The following TSPAN19 variants were observed in gnomAD, a reference collection of about 807,000 sequenced individuals.
The protein encoded by TSPAN19 is tetraspanin 19.
In TSPAN19, 44 loss-of-function variants were observed where a neutral mutation model predicts 35.1. The ratio of observed to expected loss-of-function variants is 1.25; its 90% CI spans 0.98 to 1.61. The LOEUF is 1.61. TSPAN19 is among the 40% of genes most tolerant of loss of function. The pLI is 0.00. For missense variants in TSPAN19, 290 were observed against 280.0 expected (o/e 1.04, Z -0.26); for synonymous variants, 79 against 92.0 (o/e 0.86, Z 0.81).
rs930146421 is a variant in TSPAN19, at chr12:85,027,942, C to T, written c.221G>A (p.Gly74Asp). The change falls in exon 4 of 9, where the codon GGT becomes GAT. Residue 74 changes from glycine to aspartate, a missense_variant. Physicochemically the swap from Gly to Asp is moderately conservative, Grantham distance 94. Coordinates refer to ENST00000532498, the MANE Select transcript of TSPAN19 (RefSeq NM_001100917.2). Reference sequence around the variant, plus strand: ...GATTTCGTTGTGAATTCCTATATAACCCAATAGACAAAAAAGAACAGTAGA... The same window carrying T: ...GATTTCGTTGTGAATTCCTATATAATCCAATAGACAAAAAAGAACAGTAGA... ...GSSTVLFCLL[G>D]YIGIHNEIRW... is the part of the protein sequence containing the mutation. 3 of 1,596,816 alleles carry T rather than the reference C, an allele frequency of 1.9e-6. No homozygotes were observed. The highest frequency in any genetic ancestry group is 1.7e-6 in the Non-Finnish European group (2 of 1,170,878).
chr12:85,032,496 C>T (rs1054024211), intron 1 of TSPAN19, among the ~76,000 whole-genome samples: 2 of 151,988 alleles, frequency 1.3e-5, no homozygotes, highest in Admixed American at 1.3e-4. Flanking sequence ...TTAGTAAGCG[C>T]AAATGTAGGC....
At chr12:85,032,118 T>C (rs1877713926) in intron 1 of TSPAN19, among the ~76,000 whole-genome samples, 1 of 152,150 alleles carries the variant, frequency 6.6e-6, no homozygotes, top group African/African-American at 2.4e-5. Flanking sequence ...AATTCATAAA[T>C]TCAATATTTC....
At chr12:85,014,580 G>A in intron 8 of TSPAN19, 25 bp from the exon 9 acceptor site, 2 of 1,528,122 alleles carry the variant, frequency 1.3e-6, no homozygotes, top group Non-Finnish European at 8.9e-7. Context: ...AACAATAAGA[G>A]ATTAAAATTT....
chr12:85,028,678 G>A (rs1304865019), intron 3 of TSPAN19, among the ~76,000 whole-genome samples: 1 of 152,154 alleles, frequency 6.6e-6, no homozygotes, highest in African/African-American at 2.4e-5. Flanking sequence ...GAGTGAGCTT[G>A]TACTGGCTCA....
At chr12:85,023,862 G>A (rs1877257448) in intron 4 of TSPAN19, among the ~76,000 whole-genome samples, 2 of 151,974 alleles carry the variant, frequency 1.3e-5, no homozygotes, top group Admixed American at 6.6e-5. Flanking sequence ...CCTGAAAACT[G>A]AAAATACTTG....
At chr12:85,019,983 T>C (rs1334664780) in intron 5 of TSPAN19, among the ~76,000 whole-genome samples, 1 of 151,972 alleles carries the variant, frequency 6.6e-6, no homozygotes, top group Non-Finnish European at 1.5e-5. Context: ...GAAGAAGTAA[T>C]GTGCTATTCT....
intron 4 of TSPAN19, among the ~76,000 whole-genome samples, chr12:85,025,773 C>A (rs1388249872): frequency 2.7e-5 from 4 of 148,656 alleles, no homozygotes; most frequent in African/African-American, 1.0e-4. Context: ...GATCTGCCTG[C>A]CTTGGCCTCC....
rs1251446905 is a variant in TSPAN19, at chr12:85,017,513, T to G, written c.537A>C (p.Thr179=). 1 of 1,607,012 alleles carries G rather than the reference T, an allele frequency of 6.2e-7. No homozygotes were observed. The highest frequency in any genetic ancestry group is 1.7e-5 in the Admixed American group (1 of 59,240). ...ENSGQVPCSC[T]KSTLRKWFCD... is the part of the protein sequence containing the mutation. Reference sequence around the variant, plus strand: ...AAAACCATTTTCTTAAAGTTGACTTTGTGCAAGAACATGGCACCTGTCCTG... The same window carrying G: ...AAAACCATTTTCTTAAAGTTGACTTGGTGCAAGAACATGGCACCTGTCCTG... Residue 179 remains threonine, a synonymous_variant, in exon 7 of 9, where the codon ACA becomes ACC. Transcript: ENST00000532498.
intron 4 of TSPAN19, 120 bp downstream of exon 4, chr12:85,027,779 A>T (rs888724804): frequency 1.7e-4 from 175 of 1,001,282 alleles, no homozygotes; most frequent in South Asian, 1.2e-3. Flanking sequence ...CTTCATTTGA[A>T]TTACTCTAAG....
intron 5 of TSPAN19, among the ~76,000 whole-genome samples, chr12:85,021,234 T>C (rs1592661132): frequency 1.3e-5 from 2 of 152,086 alleles, no homozygotes; most frequent in African/African-American, 4.8e-5. Context: ...CTTTTAAATA[T>C]AATCATTTGA....
At chr12:85,026,475 C>T (rs1368568183) in intron 4 of TSPAN19, among the ~76,000 whole-genome samples, 1 of 152,072 alleles carries the variant, frequency 6.6e-6, no homozygotes, top group Non-Finnish European at 1.5e-5. Context: ...AGCAACAGAG[C>T]ATAGTCCTTG....
intron 4 of TSPAN19, among the ~76,000 whole-genome samples, chr12:85,027,310 G>T (rs1877462123): frequency 6.6e-6 from 1 of 152,046 alleles, no homozygotes. Flanking sequence ...TGGGGCAAAG[G>T]TTGAAAAGTA....
chr12:85,033,853 G>A (rs1592669700), intron 1 of TSPAN19, among the ~76,000 whole-genome samples: 1 of 152,120 alleles, frequency 6.6e-6, no homozygotes, highest in Non-Finnish European at 1.5e-5. Context: ...AAAATTAGAT[G>A]AGATTATGTT....
intron 3 of TSPAN19, 95 bp downstream of exon 3, chr12:85,029,624 A>G: frequency 1.0e-6 from 1 of 979,010 alleles, no homozygotes; most frequent in Non-Finnish European, 1.5e-6. Flanking sequence ...AATAAATTAC[A>G]GAGAAATACT....
At chr12:85,033,611 G>A (rs6539880) in intron 1 of TSPAN19, among the ~76,000 whole-genome samples, 2 of 152,154 alleles carry the variant, frequency 1.3e-5, no homozygotes, top group Admixed American at 1.3e-4. Context: ...CATTTAAATT[G>A]ATTCCCTTTA....
intron 3 of TSPAN19, among the ~76,000 whole-genome samples, chr12:85,028,843 G>A (rs781154734): frequency 1.3e-5 from 2 of 152,154 alleles, no homozygotes; most frequent in Non-Finnish European, 2.9e-5. Flanking sequence ...TTAAACGTTT[G>A]CCGGCATACT....
At chr12:85,024,333 C>A (rs1877281953) in intron 4 of TSPAN19, among the ~76,000 whole-genome samples, 1 of 152,142 alleles carries the variant, frequency 6.6e-6, no homozygotes, top group Admixed American at 6.5e-5. Flanking sequence ...TGGGAGTTTT[C>A]AGAAAGTCCT....
chr12:85,022,276 C>A (rs960994375), intron 5 of TSPAN19, among the ~76,000 whole-genome samples: 8 of 151,936 alleles, frequency 5.3e-5, no homozygotes, highest in African/African-American at 1.9e-4. Flanking sequence ...AATTTTAGTT[C>A]TAAATGCCAG....
chr12:85,034,202 C>T (rs1013938474), intron 1 of TSPAN19, among the ~76,000 whole-genome samples: 2 of 152,016 alleles, frequency 1.3e-5, no homozygotes, highest in African/African-American at 2.4e-5. Flanking sequence ...TCAATAATTA[C>T]GGTGCCTCAA....
Sources: gnomAD v4.1 joint callset for allele counts (sites outside exome capture counted in the v4.1 genomes callset) on GRCh38, gnomAD v4.1.1 for gene constraint, MANE v1.5 for transcripts, NCBI Gene and HGNC (gene_info 2026-07-23, HGNC 2026-07-21) for gene names.